The following TTC23 variants were observed in gnomAD, a reference collection of about 807,000 sequenced individuals.
TTC23 encodes tetratricopeptide repeat protein 23.
A neutral mutation model predicts 55.1 loss-of-function variants in TTC23; 58 were observed. The ratio of observed to expected loss-of-function variants is 1.05; its 90% CI spans 0.85 to 1.31. TTC23 has a LOEUF of 1.31. TTC23 is among the 50% of genes most tolerant of loss of function. TTC23 has a pLI of 0.00. For synonymous variants in TTC23, 203 were observed against 199.9 expected, an observed-to-expected ratio of 1.02 and a Z score of -0.13; for missense variants, 516 against 534.4, an observed-to-expected ratio of 0.97 and a Z score of 0.34.
intron 1 of TTC23, among the ~76,000 whole-genome samples, chr15:99,248,029 G>A (rs749094054): frequency 1.3e-5 from 2 of 152,164 alleles, no homozygotes; most frequent in Non-Finnish European, 2.9e-5. Flanking sequence ...TTATAAAGAC[G>A]GGGCAACCAT....
At chr15:99,250,595 T>C (rs1220670380), upstream of TTC23, among the ~76,000 whole-genome samples, 1 of 152,244 alleles carries the variant, frequency 6.6e-6, no homozygotes, top group African/African-American at 2.4e-5. Context: ...CTTTTAAAAA[T>C]GTTTCCGAAC....
intron 12 of TTC23, among the ~76,000 whole-genome samples, chr15:99,152,717 T>G (rs1567338094): frequency 6.6e-6 from 1 of 152,030 alleles, no homozygotes; most frequent in Non-Finnish European, 1.5e-5. Flanking sequence ...ATACACCACC[T>G]CTTAGGGTTA....
chr15:99,146,174 A>C (rs559026542), intron 12 of TTC23, among the ~76,000 whole-genome samples: 1 of 152,364 alleles, frequency 6.6e-6, no homozygotes, highest in South Asian at 2.1e-4. Context: ...ATGCATTGGC[A>C]GGACTTGCTA....
rs756453584 is a variant in TTC23 at position 99,219,040 on chromosome 15, G to GT, written c.312dup (p.Leu105ThrfsTer23). ...TTTTCTGCATGTTGTTTTGCTTGCA[G>GT]TGACAGTCCTGTGGACAAAGAAAAA... On this transcript the variant is annotated frameshift_variant, in exon 7 of 14. Transcript: ENST00000394132. LOFTEE classifies it high-confidence loss of function. 6.2e-7 allele frequency: 1 copy of GT among 1,614,100 alleles called. No homozygotes were observed. The highest frequency in any genetic ancestry group is 8.5e-7 in the Non-Finnish European group (1 of 1,179,984).
At chr15:99,200,244 C>A in intron 8 of TTC23, 148 bp from the exon 9 acceptor site, 1 of 707,624 alleles carries the variant, frequency 1.4e-6, no homozygotes. Context: ...CAAGAGCCAG[C>A]AGGGCATGGT....
chr15:99,162,672 G>A (rs372641886), intron 10 of TTC23, among the ~76,000 whole-genome samples: 2 of 152,296 alleles, frequency 1.3e-5, no homozygotes, highest in African/African-American at 4.8e-5. Flanking sequence ...AAGGTGACCC[G>A]TGGCCCTTGC....
At chr15:99,158,212 G>C (rs933435794) in intron 11 of TTC23, 2 of 152,204 alleles carry the variant, frequency 1.3e-5, no homozygotes, top group Non-Finnish European at 2.9e-5. Context: ...AGACTTGCCT[G>C]AGGGTAAAGC....
chr15:99,151,054 C>G (rs1232471210), intron 12 of TTC23, among the ~76,000 whole-genome samples: 3 of 152,150 alleles, frequency 2.0e-5, no homozygotes, highest in African/African-American at 7.2e-5. Flanking sequence ...CCAGTATGGA[C>G]CTGCCGCATG....
chr15:99,242,081 G>A (rs1175473326), intron 2 of TTC23, among the ~76,000 whole-genome samples: 1 of 150,606 alleles, frequency 6.6e-6, no homozygotes, highest in Non-Finnish European at 1.5e-5. Flanking sequence ...ACAGTGAGCT[G>A]AGATCACACC....
chr15:99,218,442 C>G, intron 8 of TTC23, 146 bp downstream of exon 8: 1 of 1,045,104 alleles, frequency 9.6e-7, no homozygotes. Flanking sequence ...TCTGACATGA[C>G]TGTGTTCCTC....
chr15:99,197,257 C>T (rs138007295), intron 9 of TTC23, among the ~76,000 whole-genome samples: 7,829 of 152,214 alleles, frequency 0.051, 219 homozygotes, highest in Non-Finnish European at 0.061. Flanking sequence ...CGCCCGCCAC[C>T]ATGCCCGGCT....
intron 8 of TTC23, among the ~76,000 whole-genome samples, chr15:99,202,626 T>C (rs1217040717): frequency 6.6e-6 from 1 of 152,192 alleles, no homozygotes; most frequent in East Asian, 1.9e-4. Context: ...AGCCACCTAC[T>C]AGCTATCTCA....
intron 9 of TTC23, among the ~76,000 whole-genome samples, chr15:99,178,550 C>G (rs2151939936): frequency 6.6e-6 from 1 of 152,290 alleles, no homozygotes; most frequent in South Asian, 2.1e-4. Context: ...ATTAGAAATT[C>G]CCCTAAAAAT....
At chr15:99,171,014 G>C (rs895492009) in intron 10 of TTC23, among the ~76,000 whole-genome samples, 6 of 152,150 alleles carry the variant, frequency 3.9e-5, no homozygotes, top group African/African-American at 9.7e-5. Context: ...TGCTTTTATT[G>C]TTCCTGATGT....
chr15:99,238,178 A>C (rs1393836233), intron 3 of TTC23, among the ~76,000 whole-genome samples: 3 of 151,746 alleles, frequency 2.0e-5, no homozygotes, highest in Admixed American at 6.6e-5. Context: ...CATGTTGGCC[A>C]GGTTGGTCTT....
intron 4 of TTC23, among the ~76,000 whole-genome samples, chr15:99,229,722 C>T (rs1172307362): frequency 6.6e-6 from 1 of 152,234 alleles, no homozygotes; most frequent in Non-Finnish European, 1.5e-5. Flanking sequence ...AATAAGGTTA[C>T]AGGGAACAGT....
intron 12 of TTC23, chr15:99,139,973 G>T (rs1325522479): frequency 3.9e-6 from 1 of 259,568 alleles, no homozygotes; most frequent in South Asian, 4.6e-5. Context: ...AAATCAAGGA[G>T]AGGAGAAAGA....
intron 9 of TTC23, among the ~76,000 whole-genome samples, chr15:99,177,070 T>C (rs987280128): frequency 6.6e-6 from 1 of 152,220 alleles, no homozygotes; most frequent in African/African-American, 2.4e-5. Flanking sequence ...CCTCCTCTTA[T>C]GACCAGCCGA....
At chr15:99,233,673 G>C (rs957111718) in intron 4 of TTC23, among the ~76,000 whole-genome samples, 1 of 152,028 alleles carries the variant, frequency 6.6e-6, no homozygotes, top group African/African-American at 2.4e-5. Context: ...TTATCTCTAC[G>C]ATCAGAAACA....
Sources: gnomAD v4.1 joint callset for allele counts (sites outside exome capture counted in the v4.1 genomes callset) on GRCh38, gnomAD v4.1.1 for gene constraint, MANE v1.5 for transcripts, NCBI Gene and HGNC (gene_info 2026-07-23, HGNC 2026-07-21) for gene names.